TBC1D12: variants seen among roughly 807,000 people sequenced by gnomAD.
TBC1D12 encodes TBC1 domain family, member 12.
Under a neutral mutation model 86.7 loss-of-function variants are expected in TBC1D12, and 56 were observed. That is an observed-to-expected ratio of 0.65 (90% confidence interval 0.52 to 0.81). The LOEUF is 0.81. Ranked by LOEUF, TBC1D12 falls within the 30% of genes least tolerant of loss-of-function variation. The pLI, the probability that TBC1D12 is intolerant of heterozygous loss-of-function variation, is 0.00. For synonymous variants in TBC1D12, 421 were observed against 411.7 expected (o/e 1.02, Z -0.27); for missense variants, 1,023 against 1,038.8 (o/e 0.98, Z 0.21).
chr10:94,447,069 A>C (rs1033932756), intron 2 of TBC1D12, among the ~76,000 whole-genome samples: 14 of 151,768 alleles, frequency 9.2e-5, no homozygotes, highest in Non-Finnish European at 1.3e-4. Context: ...AAAAAAAAAA[A>C]AAAAAAACCT....
intron 2 of TBC1D12, among the ~76,000 whole-genome samples, chr10:94,453,310 A>T (rs1171120832): frequency 6.6e-6 from 1 of 152,112 alleles, no homozygotes; most frequent in Non-Finnish European, 1.5e-5. Flanking sequence ...CACTTTCCAC[A>T]GTTTTGGTTA....
At chr10:94,456,049 A>G (rs769576249) in intron 2 of TBC1D12, among the ~76,000 whole-genome samples, 1 of 152,024 alleles carries the variant, frequency 6.6e-6, no homozygotes, top group Non-Finnish European at 1.5e-5. Flanking sequence ...TGATATTAGT[A>G]ATTTGTGTCT....
In TBC1D12 at chr10:94,402,579, C is replaced by G. The variant is rs1175942727; in HGVS notation, c.-35C>G. On this transcript the variant is annotated 5_prime_UTR_variant, in exon 1 of 13. Coordinates refer to ENST00000225235, the MANE Select transcript of TBC1D12 (RefSeq NM_015188.2). ...GGCCAAGCCTGCGCCTGTAGTCCTT[C>G]TTTGCCTCCTGGGGCGGCCGCCACC... 3 of 1,607,296 alleles carry G rather than the reference C, an allele frequency of 1.9e-6. No individual in the cohort carries two copies. The highest frequency in any genetic ancestry group is 1.7e-6 in the Non-Finnish European group (2 of 1,177,148).
intron 3 of TBC1D12, among the ~76,000 whole-genome samples, chr10:94,476,106 A>G (rs2055984163): frequency 2.0e-5 from 3 of 152,032 alleles, no homozygotes; most frequent in South Asian, 4.1e-4. Flanking sequence ...CACCTGGCTA[A>G]AGAATTCTTT....
chr10:94,404,347 C>G (rs1167941258), intron 1 of TBC1D12, among the ~76,000 whole-genome samples: 1 of 151,968 alleles, frequency 6.6e-6, no homozygotes, highest in African/African-American at 2.4e-5. Flanking sequence ...ACAGGATATT[C>G]TTGAAATTAA....
At chr10:94,474,632 C>A in intron 2 of TBC1D12, 36 bp from the exon 3 acceptor site, 1 of 1,458,806 alleles carries the variant, frequency 6.9e-7, no homozygotes, top group Non-Finnish European at 9.6e-7. Flanking sequence ...TATGTTGGAG[C>A]AGTTTCTGCA....
intron 11 of TBC1D12, among the ~76,000 whole-genome samples, chr10:94,530,703 G>T (rs905519864): frequency 1.2e-4 from 18 of 152,144 alleles, no homozygotes; most frequent in South Asian, 6.2e-4. Context: ...TCAAATTCAG[G>T]CATTCTGGTT....
At chr10:94,434,332 C>G (rs939785047) in intron 1 of TBC1D12, among the ~76,000 whole-genome samples, 4 of 151,362 alleles carry the variant, frequency 2.6e-5, no homozygotes, top group Non-Finnish European at 4.4e-5. Context: ...ATGGTGAAAC[C>G]CTGTCTCTAC....
At chr10:94,518,035 TCGAG>T (rs1842045228) in intron 9 of TBC1D12, among the ~76,000 whole-genome samples, 1 of 151,728 alleles carries the variant, frequency 6.6e-6, no homozygotes, top group Non-Finnish European at 1.5e-5. Context: ...GGCCTGTAAT[TCGAG>T]CTACTCGGGA....
chr10:94,522,140 A>C (rs998788943), intron 10 of TBC1D12, 57 bp downstream of exon 10: 47 of 1,558,326 alleles, frequency 3.0e-5, no homozygotes, highest in Non-Finnish European at 4.0e-5. Flanking sequence ...TCTTAGAGTG[A>C]AAAACAATAA....
intron 1 of TBC1D12, among the ~76,000 whole-genome samples, chr10:94,413,677 G>C (rs937346722): frequency 6.6e-6 from 1 of 151,704 alleles, no homozygotes; most frequent in African/African-American, 2.4e-5. Flanking sequence ...TTCTTACTTA[G>C]AGCTAGTTTG....
At position 94,468,029 on chromosome 10, in the gene TBC1D12, T is replaced by A. The variant is rs1287477250; in HGVS notation, c.1096-6639T>A. On this transcript the variant is annotated intron_variant, in intron 2 of 12. Transcript: ENST00000225235. ...AACACTTAGGTCTTCTAATTACACA[T>A]CGAGAAACTGCAACACTAGGGCTTT... Among the ~76,000 whole-genome samples, 4 of 152,216 alleles carry A rather than the reference T, an allele frequency of 2.6e-5. No individual in the cohort carries two copies. In the East Asian group the frequency reaches 7.7e-4, roughly 29 times the overall value.
At position 94,402,689 on chromosome 10, in the gene TBC1D12, G is replaced by C. The variant is rs759563387; in HGVS notation, c.76G>C (p.Val26Leu). 4 of 1,602,780 alleles carry C rather than the reference G, an allele frequency of 2.5e-6. No homozygotes were observed. The highest frequency in any genetic ancestry group is 4.5e-5 in the East Asian group (2 of 44,462). Residue 26 changes from valine to leucine, a missense_variant, in exon 1 of 13, where the codon GTG (valine) becomes CTG (leucine). Val to Leu is a conservative substitution (Grantham distance 32, BLOSUM62 1). Transcript: ENST00000225235. ...GCTCCCGGTGCCTGCGCCGGACCCC[G>C]TGGGCCAGGACAGGAAGGTAATCCG... ...KLLPVPAPDP[V>L]GQDRKVIRAT...
At chr10:94,497,226 T>TC in intron 5 of TBC1D12, 54 bp downstream of exon 5, 1 of 1,067,734 alleles carries the variant, frequency 9.4e-7, no homozygotes, top group Admixed American at 2.7e-5. Context: ...ATCTCATGTT[T>TC]CTTTTTTTTT....
chr10:94,421,096 A>G (rs924733678), intron 1 of TBC1D12, among the ~76,000 whole-genome samples: 3 of 152,040 alleles, frequency 2.0e-5, no homozygotes, highest in Non-Finnish European at 4.4e-5. Flanking sequence ...TATTCCTCCT[A>G]TCTAACTGAA....
chr10:94,414,600 CTTT>C (rs71031575), intron 1 of TBC1D12, among the ~76,000 whole-genome samples: 1 of 134,994 alleles, frequency 7.4e-6, no homozygotes, highest in African/African-American at 2.8e-5. Context: ...TACTGTGAAA[CTTT>C]TTTTTTTTTT....
At chr10:94,485,461 A>G (rs1589650325) in intron 3 of TBC1D12, among the ~76,000 whole-genome samples, 1 of 151,574 alleles carries the variant, frequency 6.6e-6, no homozygotes, top group African/African-American at 2.4e-5. Context: ...TATCTTTTCA[A>G]TGTATTGTTG....
chr10:94,532,127 G>A lies in TBC1D12; in HGVS notation c.2259+667G>A, dbSNP rs539871307. ...AATCTCCTGACCTTGTGATCCACTC[G>A]TCTTGGCCTCCCAAAGTGTTGGGAT... On this transcript the variant is annotated intron_variant, in intron 12 of 12. Transcript: ENST00000225235. Among the ~76,000 whole-genome samples, 4 of 151,408 alleles carry A rather than the reference G, an allele frequency of 2.6e-5. 1 individual carries two copies. In the South Asian group the frequency reaches 6.2e-4, roughly 24 times the overall value.
intron 6 of TBC1D12, among the ~76,000 whole-genome samples, chr10:94,501,255 C>G (rs2056392646): frequency 6.6e-6 from 1 of 151,914 alleles, no homozygotes; most frequent in Non-Finnish European, 1.5e-5. Context: ...TCGAGACCAG[C>G]CTGGGCAACA....
Sources: gnomAD v4.1 joint callset for allele counts (sites outside exome capture counted in the v4.1 genomes callset) on GRCh38, gnomAD v4.1.1 for gene constraint, MANE v1.5 for transcripts, NCBI Gene and HGNC (gene_info 2026-07-23, HGNC 2026-07-21) for gene names.